INSYN2B: variants seen among roughly 807,000 people sequenced by gnomAD.
INSYN2B encodes the protein inhibitory synaptic factor family member 2B.
INSYN2B carries 16 observed loss-of-function variants against 41.2 expected under a neutral mutation model. The ratio of observed to expected loss-of-function variants is 0.39; its 90% CI spans 0.26 to 0.59. INSYN2B has a LOEUF of 0.59. Among genes scored for constraint, INSYN2B ranks in the 20% least tolerant of loss-of-function variants. The probability of loss-of-function intolerance (pLI) is 0.57; values close to 1 mark genes in which losing one functional copy is unlikely to be tolerated. For synonymous variants in INSYN2B, 245 were observed against 244.4 expected (o/e 1.00, Z -0.02); for missense variants, 608 against 646.4 (o/e 0.94, Z 0.64).
chr5:169,877,904 C>CT (rs1201430809), intron 3 of INSYN2B, among the ~76,000 whole-genome samples: 1 of 152,196 alleles, frequency 6.6e-6, no homozygotes, highest in East Asian at 1.9e-4. Context: ...GGTTGCAACT[C>CT]TGTCTTTCCA....
At chr5:169,911,841 AGGGAG>A (rs1353626840) in intron 1 of INSYN2B, among the ~76,000 whole-genome samples, 2 of 152,234 alleles carry the variant, frequency 1.3e-5, no homozygotes, top group Non-Finnish European at 2.9e-5. Flanking sequence ...AAGAAAATAA[AGGGAG>A]GGAAGTGTTT....
At chr5:169,963,733 C>T (rs78607863) in intron 1 of INSYN2B, among the ~76,000 whole-genome samples, 2,429 of 152,244 alleles carry the variant, frequency 0.016, 38 homozygotes, top group Admixed American at 0.034. Context: ...CTACCAGCAG[C>T]ATTTTTCCCT....
At chr5:169,939,027 G>T (rs1433317853) in intron 1 of INSYN2B, among the ~76,000 whole-genome samples, 1 of 150,668 alleles carries the variant, frequency 6.6e-6, no homozygotes, top group Non-Finnish European at 1.5e-5. Flanking sequence ...CCTTAGCCTC[G>T]GGAGTAGCTG....
In INSYN2B at chr5:169,882,482, G is replaced by A. The variant is rs1772711908; in HGVS notation, c.1346+71C>T. On this transcript the variant is annotated intron_variant, in intron 2 of 3. Coordinates refer to ENST00000377365, the MANE Select transcript of INSYN2B (RefSeq NM_001129891.3). ...GACATTTTTACTAAAAGAAACCAAA[G>A]CTGTCTCTGCCCCTGTGTTGGCAAA... 112 of 1,303,830 alleles carry A rather than the reference G, an allele frequency of 8.6e-5. 2 individuals are homozygous for A. The South Asian group carries it at 1.7e-3, about 19-fold the overall frequency. 80.8% of individuals were successfully genotyped at this position (1,303,830 alleles called of 1,614,324 possible).
rs931581942 is a variant in INSYN2B at position 169,886,328 on chromosome 5, G to A, written c.-918-1512C>T. 3.3e-5 allele frequency among the ~76,000 whole-genome samples: 5 copies of A among 152,136 alleles called. No individual in the cohort carries two copies. In the South Asian group the frequency reaches 6.2e-4, roughly 19 times the overall value. ...CTGAGGAGATGAACCTACTGGTCCC[G>A]AGTTGCTTTACATAAAAATTCCAAA... On this transcript the variant is annotated intron_variant, in intron 1 of 3. Coordinates refer to ENST00000377365, the MANE Select transcript of INSYN2B (RefSeq NM_001129891.3).
intron 1 of INSYN2B, among the ~76,000 whole-genome samples, chr5:169,963,226 G>A (rs17646824): frequency 0.062 from 9,475 of 152,254 alleles, 440 homozygotes; most frequent in Non-Finnish European, 0.087. Flanking sequence ...CACGTGGGGT[G>A]GGTATCAGTT....
At chr5:169,874,033 T>C (rs1581334567) in intron 3 of INSYN2B, among the ~76,000 whole-genome samples, 1 of 152,366 alleles carries the variant, frequency 6.6e-6, no homozygotes, top group East Asian at 1.9e-4. Flanking sequence ...AGGGAGGCTC[T>C]TGCAGAGAAT....
chr5:169,965,205 G>A (rs1421198746), intron 1 of INSYN2B, among the ~76,000 whole-genome samples: 1 of 152,212 alleles, frequency 6.6e-6, no homozygotes, highest in Admixed American at 6.5e-5. Flanking sequence ...GTGTGCTAAG[G>A]CAATGCTCCT....
Position 169,938,910 on chromosome 5 carries a change from C to CT in INSYN2B, c.-919+41366dup, listed in dbSNP as rs60068204. Among the ~76,000 whole-genome samples, 386 of 141,180 alleles carry CT rather than the reference C, an allele frequency of 2.7e-3. 2 individuals are homozygous for CT. Among genetic ancestry groups the CT allele is most frequent in the African/African-American group, 5.2e-3 (202 of 38,572 alleles). The allele number at this position is 141,180 out of a possible 152,430, so 92.6% of individuals were successfully genotyped here. A position where few individuals can be genotyped will look rare whatever the true frequency, so the allele number is the denominator to read the frequency against. On this transcript the variant is annotated intron_variant, in intron 1 of 3. Coordinates refer to ENST00000377365, the MANE Select transcript of INSYN2B (RefSeq NM_001129891.3). ...CATTTTTCTTTCTTTTTTTTCTTTT[C>CT]TTTTTTTTTTTGAAATGGAGTCTTG...
At chr5:169,895,014 C>G (rs1388933038) in intron 1 of INSYN2B, among the ~76,000 whole-genome samples, 4 of 152,138 alleles carry the variant, frequency 2.6e-5, no homozygotes, top group African/African-American at 9.7e-5. Context: ...TCATTTCCTC[C>G]TCTCGTGCAG....
chr5:169,959,020 G>T (rs1776973631), intron 1 of INSYN2B, among the ~76,000 whole-genome samples: 1 of 152,162 alleles, frequency 6.6e-6, no homozygotes, highest in Non-Finnish European at 1.5e-5. Flanking sequence ...AAGTATTTAA[G>T]CCTAGGACTG....
chr5:169,969,466 A>G (rs528006728), intron 1 of INSYN2B, among the ~76,000 whole-genome samples: 1 of 152,300 alleles, frequency 6.6e-6, no homozygotes, highest in South Asian at 2.1e-4. Context: ...AAAAAAGAAA[A>G]AAATGAATTG....
chr5:169,965,829 T>C (rs895785116), intron 1 of INSYN2B, among the ~76,000 whole-genome samples: 3 of 152,190 alleles, frequency 2.0e-5, no homozygotes, highest in African/African-American at 4.8e-5. Flanking sequence ...CCCAAAATCA[T>C]TTAACTCATT....
At chr5:169,867,237 A>G (rs921539388) in intron 3 of INSYN2B, among the ~76,000 whole-genome samples, 13 of 152,222 alleles carry the variant, frequency 8.5e-5, no homozygotes, top group African/African-American at 2.2e-4. Flanking sequence ...TTGACCCACA[A>G]TCAGATTAGA....
chr5:169,897,254 G>A (rs777494031), intron 1 of INSYN2B, among the ~76,000 whole-genome samples: 7 of 151,892 alleles, frequency 4.6e-5, no homozygotes, highest in South Asian at 2.1e-4. Flanking sequence ...GCATGATCTC[G>A]GCTCACTGCA....
At chr5:169,886,466 C>T (rs770151378) in intron 1 of INSYN2B, among the ~76,000 whole-genome samples, 34 of 152,224 alleles carry the variant, frequency 2.2e-4, no homozygotes, top group Middle Eastern at 3.2e-3. Flanking sequence ...CTTTCTGCAT[C>T]TTCCTCCTCA....
At chr5:169,931,675 G>C (rs1248137855) in intron 1 of INSYN2B, among the ~76,000 whole-genome samples, 3 of 152,196 alleles carry the variant, frequency 2.0e-5, no homozygotes, top group Non-Finnish European at 4.4e-5. Context: ...GTGTGAGATG[G>C]TGGTGAGGGT....
chr5:169,927,839 A>T (rs538441824), intron 1 of INSYN2B, among the ~76,000 whole-genome samples: 1 of 152,234 alleles, frequency 6.6e-6, no homozygotes, highest in South Asian at 2.1e-4. Flanking sequence ...GATGGTCTCA[A>T]TCTCCTGACC....
chr5:169,957,959 C>T (rs559648855), intron 1 of INSYN2B, among the ~76,000 whole-genome samples: 3 of 152,264 alleles, frequency 2.0e-5, no homozygotes, highest in East Asian at 1.9e-4. Context: ...GGGAGTAGGG[C>T]GTCAGGAGAG....
Sources: gnomAD v4.1 joint callset for allele counts (sites outside exome capture counted in the v4.1 genomes callset) on GRCh38, gnomAD v4.1.1 for gene constraint, MANE v1.5 for transcripts, NCBI Gene and HGNC (gene_info 2026-07-23, HGNC 2026-07-21) for gene names.